Variants in SPATA13 observed in about 807,000 individuals in gnomAD.
SPATA13 encodes spermatogenesis-associated protein 13.
SPATA13 carries 50 observed loss-of-function variants against 104.0 expected under a neutral mutation model. The observed-to-expected ratio is 0.48, with a 90% CI of 0.38 to 0.61. SPATA13 has a LOEUF of 0.61. Among genes scored for constraint, SPATA13 ranks in the 20% least tolerant of loss-of-function variants. The probability of loss-of-function intolerance (pLI) is 0.00; values close to 1 mark genes in which losing one functional copy is unlikely to be tolerated. For missense variants in SPATA13, 1,524 were observed against 1,690.6 expected (o/e 0.90, Z 1.73); for synonymous variants, 606 against 667.5 (o/e 0.91, Z 1.42).
chr13:24,101,851 G>C (rs1018527789), intron 3 of SPATA13, among the ~76,000 whole-genome samples: 6 of 152,190 alleles, frequency 3.9e-5, no homozygotes, highest in Non-Finnish European at 7.3e-5. Flanking sequence ...TGTTGTGTGT[G>C]TTTACCACAT....
chr13:24,043,342 G>C (rs762057331), intron 3 of SPATA13, among the ~76,000 whole-genome samples: 1 of 152,110 alleles, frequency 6.6e-6, no homozygotes, highest in Non-Finnish European at 1.5e-5. Flanking sequence ...CAAACACCAC[G>C]TCCACTTCTC....
chr13:24,056,091 C>G (rs1189575523), intron 3 of SPATA13, among the ~76,000 whole-genome samples: 6 of 152,164 alleles, frequency 3.9e-5, no homozygotes, highest in Admixed American at 1.3e-4. Flanking sequence ...AATGGTAGAG[C>G]TCATGGTTAT....
intron 1 of SPATA13, among the ~76,000 whole-genome samples, chr13:24,211,463 G>A (rs1871008713): frequency 6.6e-6 from 1 of 151,846 alleles, no homozygotes. Flanking sequence ...TATCATGAAA[G>A]ACTGTTGAAT....
intron 2 of SPATA13, among the ~76,000 whole-genome samples, chr13:23,984,091 G>A (rs1219355002): frequency 6.6e-6 from 1 of 152,250 alleles, no homozygotes; most frequent in African/African-American, 2.4e-5. Context: ...TAATTGGAAC[G>A]TGTGGCAAGA....
chr13:24,271,951 G>A (rs925262454), intron 4 of SPATA13, among the ~76,000 whole-genome samples: 4 of 152,098 alleles, frequency 2.6e-5, no homozygotes, highest in African/African-American at 2.4e-5. Flanking sequence ...TCCATTTTAC[G>A]AGCCAAAATT....
chr13:24,274,608 C>T (rs1042432500), intron 4 of SPATA13, among the ~76,000 whole-genome samples: 23 of 152,360 alleles, frequency 1.5e-4, no homozygotes, highest in Admixed American at 7.2e-4. Context: ...AGCAGCAGCC[C>T]GTGACAGCTG....
At position 24,258,673 on chromosome 13, in the gene SPATA13, A is replaced by C. The variant is rs142612025; in HGVS notation, c.2164+6811A>C. On this transcript the variant is annotated intron_variant, in intron 4 of 12. Coordinates refer to ENST00000382108, the MANE Select transcript of SPATA13 (RefSeq NM_001166271.3). ...ACAGAGTGAGACCTCCTCTCCGCTAAAAAAAAAGAGAGACTGAAAAGTTAG... is the reference window on the plus strand; with the variant it reads ...ACAGAGTGAGACCTCCTCTCCGCTACAAAAAAAGAGAGACTGAAAAGTTAG... Among the ~76,000 whole-genome samples, 542 of 151,842 alleles carry C rather than the reference A, an allele frequency of 3.6e-3. 4 individuals are homozygous for C. The highest frequency in any genetic ancestry group is 0.013 in the African/African-American group (521 of 41,428).
intron 2 of SPATA13, among the ~76,000 whole-genome samples, chr13:24,239,643 C>T (rs947311092): frequency 2.4e-5 from 3 of 125,392 alleles, no homozygotes; most frequent in African/African-American, 9.2e-5. Flanking sequence ...TGCAGTGAGC[C>T]GAGATTTCGT....
At chr13:24,269,528 G>A (rs1874459316) in intron 4 of SPATA13, among the ~76,000 whole-genome samples, 1 of 151,352 alleles carries the variant, frequency 6.6e-6, no homozygotes, top group Non-Finnish European at 1.5e-5. Flanking sequence ...AGACTCCTGA[G>A]TAACTAGGAT....
At chr13:24,239,896 T>G (rs1286680870) in intron 2 of SPATA13, among the ~76,000 whole-genome samples, 1 of 151,912 alleles carries the variant, frequency 6.6e-6, no homozygotes, top group Admixed American at 6.5e-5. Context: ...CTCTATATTC[T>G]TTAGCATGTG....
intron 3 of SPATA13, among the ~76,000 whole-genome samples, chr13:24,251,319 T>A (rs538890334): frequency 2.0e-5 from 3 of 152,198 alleles, no homozygotes; most frequent in Non-Finnish European, 4.4e-5. Flanking sequence ...CTGGCCGGGT[T>A]TGTGGCCTTG....
At chr13:24,129,232 G>A (rs575519319) in intron 3 of SPATA13, among the ~76,000 whole-genome samples, 20 of 152,338 alleles carry the variant, frequency 1.3e-4, no homozygotes, top group African/African-American at 4.1e-4. Context: ...CTGAATGCTG[G>A]GGGTCAGAGG....
chr13:24,166,885 C>G (rs1192335362), intron 1 of SPATA13, among the ~76,000 whole-genome samples: 1 of 152,182 alleles, frequency 6.6e-6, no homozygotes, highest in African/African-American at 2.4e-5. Context: ...CCAAAAGGAC[C>G]CACTTCTTCA....
rs371209190 is a variant in SPATA13, at chr13:24,281,463, C to T, written c.2165-2672C>T. Among the ~76,000 whole-genome samples the T allele has an allele frequency of 7.2e-5, 11 of 152,290 alleles. No individual in the cohort carries two copies. In the East Asian group the frequency reaches 1.9e-3, roughly 27 times the overall value. On this transcript the variant is annotated intron_variant, in intron 4 of 12. Transcript: ENST00000382108. ...TCCATTGTCAGCTGCTCCAAGGTTC[C>T]CTGGCTGTCGCGGTGTCCGGCGCAC...
At chr13:24,126,782 C>T (rs1881232989) in intron 3 of SPATA13, among the ~76,000 whole-genome samples, 1 of 152,084 alleles carries the variant, frequency 6.6e-6, no homozygotes, top group Non-Finnish European at 1.5e-5. Context: ...GTCTCAAACT[C>T]CTGGGCTCAA....
chr13:24,079,904 C>T (rs1398632028), intron 3 of SPATA13, among the ~76,000 whole-genome samples: 1 of 152,218 alleles, frequency 6.6e-6, no homozygotes, highest in Non-Finnish European at 1.5e-5. Context: ...GTCACAAAGT[C>T]AACCCGTGTC....
At chr13:24,237,450 A>G (rs753141493) in intron 2 of SPATA13, among the ~76,000 whole-genome samples, 1 of 152,232 alleles carries the variant, frequency 6.6e-6, no homozygotes, top group Non-Finnish European at 1.5e-5. Flanking sequence ...TTACAAAAGA[A>G]TAAATACTGT....
intron 3 of SPATA13, among the ~76,000 whole-genome samples, chr13:24,147,260 A>G (rs1157609897): frequency 6.6e-6 from 1 of 152,208 alleles, no homozygotes; most frequent in Non-Finnish European, 1.5e-5. Context: ...AGAAGGTGGA[A>G]AGGAGATAGA....
intron 9 of SPATA13, among the ~76,000 whole-genome samples, chr13:24,291,676 CTGT>C (rs1402658606): frequency 6.6e-6 from 1 of 152,216 alleles, no homozygotes; most frequent in Non-Finnish European, 1.5e-5. Flanking sequence ...ACTCACACTT[CTGT>C]TGTTTGGATC....
Sources: allele counts gnomAD v4.1 joint callset (sites outside exome capture counted in the v4.1 genomes callset), GRCh38; gene constraint gnomAD v4.1.1; transcripts MANE v1.5; gene names NCBI Gene and HGNC (gene_info 2026-07-23, HGNC 2026-07-21).